HERC6: variants seen among roughly 807,000 people sequenced by gnomAD.
The protein encoded by HERC6 is probable E3 ubiquitin-protein ligase HERC6.
HERC6 carries 101 observed loss-of-function variants against 114.5 expected under a neutral mutation model. The observed-to-expected ratio is 0.88, with a 90% CI of 0.75 to 1.04. The LOEUF (loss-of-function observed/expected upper bound fraction) is 1.04, where lower values mean the gene tolerates loss of function less well. Among genes scored for constraint, HERC6 ranks in the 50% least tolerant of loss-of-function variants. The probability of loss-of-function intolerance (pLI) is 0.00; values close to 1 mark genes in which losing one functional copy is unlikely to be tolerated. For missense variants in HERC6, 1,133 were observed against 1,230.9 expected (o/e 0.92, Z 1.19); for synonymous variants, 408 against 436.2 (o/e 0.94, Z 0.81).
rs767837355 is a variant in HERC6, at chr4:88,393,538, G to T, written c.715G>T (p.Val239Phe). 8.7e-5 allele frequency: 141 copies of T among 1,612,750 alleles called. No homozygotes were observed. The highest frequency in any genetic ancestry group is 1.1e-4 in the Non-Finnish European group (130 of 1,179,240). ...SVGALKNLGV[V>F]YISCGDAHTA... ...CGGTGCACTGAAGAATCTAGGTGTGGTTTATATCAGCTGTGGTGATGCACA... is the reference window on the plus strand; with the variant it reads ...CGGTGCACTGAAGAATCTAGGTGTGTTTTATATCAGCTGTGGTGATGCACA... The change falls in exon 5 of 23, where the codon GTT becomes TTT. Residue 239 changes from valine (V) to phenylalanine (F), a missense_variant. By Grantham distance (50) the Val-to-Phe change is conservative. This residue lies in a region of HERC6 where 735 missense variants were observed against 754.0 expected (regional missense o/e 0.97). Coordinates refer to ENST00000264346, the MANE Select transcript of HERC6 (RefSeq NM_017912.4).
intron 16 of HERC6, among the ~76,000 whole-genome samples, chr4:88,430,569 CAAATAAATAAATAAATAAAT>C (rs375978104): frequency 7.1e-6 from 1 of 141,238 alleles, no homozygotes; most frequent in African/African-American, 2.8e-5. Context: ...GACTCCATCT[CAAATAAATAAATAAATAAAT>C]AAATAAATAA....
At position 88,428,645 on chromosome 4, in the gene HERC6, T is replaced by A; in HGVS notation, c.2001T>A (p.Pro667=). 1 of 1,608,412 alleles carries A rather than the reference T, an allele frequency of 6.2e-7. No individual in the cohort carries two copies. Among genetic ancestry groups the A allele is most frequent in the Non-Finnish European group, 8.5e-7 (1 of 1,177,442 alleles). Reference sequence around the variant, plus strand: ...TTCTGCAAAAAAAGGATGAATTTCCTCCATCACCCAGATTTATACTTAGAG... The same window carrying A: ...TTCTGCAAAAAAAGGATGAATTTCCACCATCACCCAGATTTATACTTAGAG... ...ETILQKKDEF[P]PSPRFILRVR... is the part of the protein sequence containing the mutation. Residue 667 remains proline, a synonymous_variant, in exon 16 of 23, where the codon CCT becomes CCA. Transcript: ENST00000264346.
intron 8 of HERC6, among the ~76,000 whole-genome samples, chr4:88,403,381 A>G (rs1165296611): frequency 6.6e-6 from 1 of 152,218 alleles, no homozygotes; most frequent in African/African-American, 2.4e-5. Context: ...CTTGTGGGTG[A>G]TTAAAGGGAA....
intron 2 of HERC6, among the ~76,000 whole-genome samples, 170 bp from the exon 3 acceptor site, chr4:88,385,329 T>C (rs551513536): frequency 2.6e-5 from 4 of 152,332 alleles, no homozygotes; most frequent in African/African-American, 7.2e-5. Flanking sequence ...GTTAATGTCA[T>C]GTTAAAAACA....
At chr4:88,425,842 A>C (rs548191953) in intron 15 of HERC6, among the ~76,000 whole-genome samples, 1 of 152,200 alleles carries the variant, frequency 6.6e-6, no homozygotes, top group South Asian at 2.1e-4. Flanking sequence ...CCTCATGAAA[A>C]GTTTATATCT....
chr4:88,405,615 TA>T lies in HERC6; in HGVS notation c.1274+4del. 1 of 1,461,190 alleles carries T rather than the reference TA, an allele frequency of 6.8e-7. No homozygotes were observed. The highest frequency in any genetic ancestry group is 9.4e-7 in the Non-Finnish European group (1 of 1,064,020). 90.5% of individuals were successfully genotyped at this position (1,461,190 alleles called of 1,614,324 possible). ...GACTGCAAGTTTTTTAAAGAAAAGGTAATACTTACATAAGATTTACCTTCAT... is the reference window on the plus strand; with the variant it reads ...GACTGCAAGTTTTTTAAAGAAAAGGTATACTTACATAAGATTTACCTTCAT... On this transcript the variant is annotated splice_donor_region_variant and intron_variant, in intron 10 of 22. Coordinates refer to ENST00000264346, the MANE Select transcript of HERC6 (RefSeq NM_017912.4).
At chr4:88,381,851 C>T (rs900019973) in intron 1 of HERC6, among the ~76,000 whole-genome samples, 1 of 152,050 alleles carries the variant, frequency 6.6e-6, no homozygotes, top group African/African-American at 2.4e-5. Flanking sequence ...CCACTGCGCC[C>T]GGCTGACCCT....
At chr4:88,385,678 T>C (rs937961585) in intron 3 of HERC6, 103 bp downstream of exon 3, 2 of 620,490 alleles carry the variant, frequency 3.2e-6, no homozygotes, top group Non-Finnish European at 5.6e-6. Context: ...TAGAAGTTTT[T>C]CATTCCCCAG....
intron 3 of HERC6, among the ~76,000 whole-genome samples, chr4:88,388,202 A>G (rs1734691397): frequency 6.6e-6 from 1 of 151,974 alleles, no homozygotes; most frequent in East Asian, 1.9e-4. Flanking sequence ...GAAGGGGATC[A>G]CTTGAGGCCA....
At chr4:88,392,888 G>A (rs994967845) in intron 4 of HERC6, among the ~76,000 whole-genome samples, 6 of 152,156 alleles carry the variant, frequency 3.9e-5, no homozygotes, top group African/African-American at 4.8e-5. Flanking sequence ...AACTTGTTTC[G>A]AAATAACCTA....
intron 12 of HERC6, 124 bp from the exon 13 acceptor site, chr4:88,417,301 C>G: frequency 2.1e-6 from 2 of 934,804 alleles, no homozygotes; most frequent in South Asian, 1.6e-5. Flanking sequence ...AAAAGATATT[C>G]ATAAATTATG....
intron 1 of HERC6, among the ~76,000 whole-genome samples, chr4:88,382,765 G>C (rs920273631): frequency 6.6e-6 from 1 of 152,164 alleles, no homozygotes; most frequent in Non-Finnish European, 1.5e-5. Context: ...CGTGTTCCAG[G>C]AAGCAAGACA....
At chr4:88,419,210 A>G (rs576692878) in intron 13 of HERC6, among the ~76,000 whole-genome samples, 10 of 152,324 alleles carry the variant, frequency 6.6e-5, no homozygotes, top group East Asian at 3.9e-4. Flanking sequence ...AGAAATATCA[A>G]ATGAGGCCAT....
At chr4:88,397,922 T>C (rs1010824539) in intron 7 of HERC6, among the ~76,000 whole-genome samples, 2 of 152,162 alleles carry the variant, frequency 1.3e-5, no homozygotes, top group Admixed American at 6.5e-5. Flanking sequence ...AATTTTAGAC[T>C]AAGTGAATAT....
chr4:88,397,798 C>G (rs1354602269), intron 7 of HERC6, among the ~76,000 whole-genome samples: 1 of 152,062 alleles, frequency 6.6e-6, no homozygotes, highest in East Asian at 1.9e-4. Context: ...AAAGTGAAAG[C>G]AAGTTTATTA....
chr4:88,417,646 G>C, intron 13 of HERC6, 67 bp downstream of exon 13: 1 of 1,337,940 alleles, frequency 7.5e-7, no homozygotes, highest in South Asian at 1.5e-5. Flanking sequence ...GTCTCAACCA[G>C]TTGGACTTCT....
At chr4:88,394,280 C>G (rs534550194) in intron 5 of HERC6, among the ~76,000 whole-genome samples, 11 of 151,818 alleles carry the variant, frequency 7.2e-5, no homozygotes, top group African/African-American at 2.7e-4. Flanking sequence ...CAAGACCAGC[C>G]TGGCCAACAT....
chr4:88,398,345 G>GA lies in HERC6; in HGVS notation c.1092+143dup, dbSNP rs1255126495. On this transcript the variant is annotated intron_variant, in intron 8 of 22. Transcript: ENST00000264346. ...TAAGGTCCTATATTAGAATGCTTAT[G>GA]AAAAAAATATTACATAATTCTCACT... 75 of 454,080 alleles carry GA rather than the reference G, an allele frequency of 1.7e-4. No homozygotes were observed. The East Asian group carries it at 2.5e-3, about 15-fold the overall frequency. The allele number at this position is 454,080 out of a possible 1,614,324, so 28.1% of individuals were successfully genotyped here. A position where few individuals can be genotyped will look rare whatever the true frequency, so the allele number is the denominator to read the frequency against.
At chr4:88,435,702 G>T in intron 17 of HERC6, 23 bp from the exon 18 acceptor site, 1 of 1,418,858 alleles carries the variant, frequency 7.0e-7, no homozygotes, top group South Asian at 1.6e-5. Context: ...TAATACCTTA[G>T]GGATTTTTTT....
Sources: allele counts gnomAD v4.1 joint callset (sites outside exome capture counted in the v4.1 genomes callset), GRCh38; gene constraint gnomAD v4.1.1; regional missense constraint gnomAD v4.1.1; transcripts MANE v1.5; gene names NCBI Gene and HGNC (gene_info 2026-07-23, HGNC 2026-07-21).